Variants in PARD3 observed in about 807,000 individuals in gnomAD.
PARD3 encodes the protein partitioning defective 3 homolog.
In PARD3, 75 loss-of-function variants were observed where a neutral mutation model predicts 155.4. The ratio of observed to expected loss-of-function variants is 0.48; its 90% CI spans 0.40 to 0.58. The LOEUF (loss-of-function observed/expected upper bound fraction) is 0.58. Ranked by LOEUF, PARD3 falls within the 20% of genes least tolerant of loss-of-function variation. The pLI, the probability that PARD3 is intolerant of heterozygous loss-of-function variation, is 0.00. For missense variants in PARD3, 1,642 were observed against 1,721.7 expected (o/e 0.95, Z 0.82); for synonymous variants, 576 against 610.5 (o/e 0.94, Z 0.83).
Position 34,146,615 on chromosome 10 carries a change from T to C in PARD3, c.3420-15032A>G, listed in dbSNP as rs553299968. Among the ~76,000 whole-genome samples the C allele has an allele frequency of 2.0e-5, 3 of 152,350 alleles. No individual in the cohort carries two copies. In the South Asian group the frequency reaches 6.2e-4, roughly 32 times the overall value. ...GAAAATCACAGTTTGGCTTTAGTTT[T>C]TGCCCACATTTACTTCTGCTGGTCA... On this transcript the variant is annotated intron_variant, in intron 22 of 24. Transcript: ENST00000374788.
chr10:34,445,470 C>G (rs2076689604), intron 5 of PARD3, among the ~76,000 whole-genome samples: 1 of 152,152 alleles, frequency 6.6e-6, no homozygotes, highest in Non-Finnish European at 1.5e-5. Flanking sequence ...AATGGAACAT[C>G]ATTTTTTTAC....
At chr10:34,800,774 TC>T (rs1370412804) in intron 1 of PARD3, among the ~76,000 whole-genome samples, 1 of 151,904 alleles carries the variant, frequency 6.6e-6, no homozygotes, top group Non-Finnish European at 1.5e-5. Context: ...CCCAACAACC[TC>T]CTAAACTAAT....
At chr10:34,577,904 G>A (rs1008489574) in intron 2 of PARD3, among the ~76,000 whole-genome samples, 1 of 151,638 alleles carries the variant, frequency 6.6e-6, no homozygotes, top group Non-Finnish European at 1.5e-5. Flanking sequence ...CAAGCTGGAG[G>A]GCAGGGGCAC....
intron 22 of PARD3, among the ~76,000 whole-genome samples, chr10:34,155,551 A>T (rs1490099553): frequency 1.3e-5 from 2 of 152,146 alleles, no homozygotes; most frequent in Non-Finnish European, 2.9e-5. Flanking sequence ...AATTGGAGGT[A>T]CTGGGTACCT....
intron 1 of PARD3, among the ~76,000 whole-genome samples, chr10:34,736,202 T>C (rs926838572): frequency 6.6e-6 from 1 of 152,096 alleles, no homozygotes; most frequent in African/African-American, 2.4e-5. Flanking sequence ...CGCTAATTTT[T>C]TGTATTTTTA....
Position 34,449,378 on chromosome 10 carries a change from A to T in PARD3, c.714+939T>A, listed in dbSNP as rs548521657. ...TTATAAAACACTGGGATTCCCTACT[A>T]CAAAAAACCCATTGTGAGTCAATAA... On this transcript the variant is annotated intron_variant, in intron 5 of 24. Transcript: ENST00000374788. Among the ~76,000 whole-genome samples the T allele has an allele frequency of 6.9e-4, 105 of 151,566 alleles. 1 individual carries two copies. The South Asian group carries it at 7.7e-3, about 11-fold the overall frequency.
chr10:34,535,278 T>C (rs78717899), intron 2 of PARD3, among the ~76,000 whole-genome samples: 2,441 of 152,106 alleles, frequency 0.016, 63 homozygotes, highest in African/African-American at 0.056. Context: ...GTGTTAAGTA[T>C]TGGGGAAAAG....
At chr10:34,809,406 G>A (rs1478672977) in intron 1 of PARD3, among the ~76,000 whole-genome samples, 2 of 152,124 alleles carry the variant, frequency 1.3e-5, no homozygotes, top group African/African-American at 4.8e-5. Context: ...AAGCATCTGA[G>A]TCGGTACAGG....
intron 6 of PARD3, among the ~76,000 whole-genome samples, chr10:34,399,640 G>A (rs1221542526): frequency 6.6e-6 from 1 of 152,120 alleles, no homozygotes; most frequent in Non-Finnish European, 1.5e-5. Flanking sequence ...TAGTCTGATG[G>A]CATGGAGGGA....
intron 1 of PARD3, among the ~76,000 whole-genome samples, chr10:34,765,049 T>A (rs1017001843): frequency 6.6e-6 from 1 of 152,146 alleles, no homozygotes; most frequent in Non-Finnish European, 1.5e-5. Context: ...GACTTTAGCA[T>A]CCTCCCTTCC....
chr10:34,589,289 A>G (rs2088413672), intron 2 of PARD3, among the ~76,000 whole-genome samples: 1 of 152,224 alleles, frequency 6.6e-6, no homozygotes, highest in Non-Finnish European at 1.5e-5. Context: ...GTACTATTAT[A>G]GGTTGAACTG....
intron 1 of PARD3, among the ~76,000 whole-genome samples, chr10:34,733,333 C>T (rs1384397704): frequency 1.3e-5 from 2 of 152,146 alleles, no homozygotes; most frequent in Non-Finnish European, 1.5e-5. Context: ...CTTACAATCA[C>T]TCTTCCAAAA....
At chr10:34,773,822 G>A (rs768486754) in intron 1 of PARD3, among the ~76,000 whole-genome samples, 37 of 152,104 alleles carry the variant, frequency 2.4e-4, no homozygotes, top group Admixed American at 1.7e-3. Context: ...AACTTGATGG[G>A]GTTAAAGTGC....
chr10:34,678,273 CATGTT>C (rs781344941), intron 2 of PARD3, among the ~76,000 whole-genome samples: 26 of 152,128 alleles, frequency 1.7e-4, no homozygotes, highest in South Asian at 6.2e-4. Context: ...GGGGTTTCAC[CATGTT>C]GCCCAGGCTG....
At chr10:34,681,737 TA>T (rs2133341233) in intron 2 of PARD3, among the ~76,000 whole-genome samples, 1 of 13,250 alleles carries the variant, frequency 7.5e-5, no homozygotes, top group East Asian at 1.6e-3. Flanking sequence ...ATTTTATATA[TA>T]TATATATATA....
intron 2 of PARD3, among the ~76,000 whole-genome samples, chr10:34,649,261 C>T (rs942435670): frequency 2.0e-5 from 3 of 152,170 alleles, no homozygotes; most frequent in Admixed American, 2.0e-4. Flanking sequence ...CTGGGAAACA[C>T]AGCAAGGCCT....
chr10:34,136,331 C>A (rs1947894872), intron 22 of PARD3, among the ~76,000 whole-genome samples: 1 of 152,168 alleles, frequency 6.6e-6, no homozygotes, highest in Non-Finnish European at 1.5e-5. Context: ...CCTATCTATT[C>A]AGAGCAGTAT....
At chr10:34,319,920 A>G (rs1958273645) in intron 19 of PARD3, among the ~76,000 whole-genome samples, 1 of 152,322 alleles carries the variant, frequency 6.6e-6, no homozygotes, top group East Asian at 1.9e-4. Flanking sequence ...GGTATACTCA[A>G]ACTAGATAAA....
At chr10:34,592,374 A>G (rs369782417) in intron 2 of PARD3, among the ~76,000 whole-genome samples, 1 of 152,236 alleles carries the variant, frequency 6.6e-6, no homozygotes, top group Admixed American at 6.5e-5. Context: ...CATGGACTGA[A>G]TAACTGACAT....
Sources: gnomAD v4.1 joint callset for allele counts (sites outside exome capture counted in the v4.1 genomes callset) on GRCh38, gnomAD v4.1.1 for gene constraint, MANE v1.5 for transcripts, NCBI Gene and HGNC (gene_info 2026-07-23, HGNC 2026-07-21) for gene names.